GALNT9: variants seen among roughly 807,000 people sequenced by gnomAD.
GALNT9 encodes polypeptide N-acetylgalactosaminyltransferase 9, also known as GalNAc transferase 9.
In GALNT9, 47 loss-of-function variants were observed where a neutral mutation model predicts 63.1. The observed-to-expected ratio is 0.75, with a 90% CI of 0.59 to 0.95. The LOEUF (loss-of-function observed/expected upper bound fraction) is 0.95, where lower values mean the gene tolerates loss of function less well. Ranked by LOEUF, GALNT9 falls within the 40% of genes least tolerant of loss-of-function variation. The pLI is 0.00. For missense variants in GALNT9, 829 were observed against 874.8 expected, an observed-to-expected ratio of 0.95 and a Z score of 0.66; for synonymous variants, 396 against 365.7, an observed-to-expected ratio of 1.08 and a Z score of -0.94.
rs1435049667 is a variant in GALNT9 at position 132,315,036 on chromosome 12, C to G, written c.238+13930G>C. Among the ~76,000 whole-genome samples, 4 of 152,216 alleles carry G rather than the reference C, an allele frequency of 2.6e-5. No individual in the cohort carries two copies. Among genetic ancestry groups the G allele is most frequent in the Non-Finnish European group, 1.5e-5 (1 of 68,036 alleles). ...CCTCACAACAGAGGTGAGTGCTGTT[C>G]TCACCCCAATTTACAGATGAGGAAG... On this transcript the variant is annotated intron_variant, in intron 1 of 10. Transcript: ENST00000328957. This position sits in a 1 kb window ranked among gnomAD's most constrained non-coding sequence, Gnocchi z 6.1.
At chr12:132,290,220 C>G (rs73473523) in intron 1 of GALNT9, among the ~76,000 whole-genome samples, 6,745 of 152,198 alleles carry the variant, frequency 0.044, 482 homozygotes, top group African/African-American at 0.15. Context: ...CTGGACCTTG[C>G]AGAGCCAGGT....
intron 1 of GALNT9, 149 bp downstream of exon 1, chr12:132,328,817 C>A: frequency 1.0e-6 from 1 of 1,004,770 alleles, no homozygotes; most frequent in Non-Finnish European, 1.3e-6. Flanking sequence ...AAGGGGCTTC[C>A]GCGGCCCTTC....
chr12:132,325,713 C>T (rs1251663672), intron 1 of GALNT9, among the ~76,000 whole-genome samples: 1 of 152,248 alleles, frequency 6.6e-6, no homozygotes, highest in Non-Finnish European at 1.5e-5. Context: ...GCCCAGACCT[C>T]TCAGACCTGG....
At chr12:132,256,078 A>T (rs1014665801) in intron 5 of GALNT9, among the ~76,000 whole-genome samples, 4 of 152,110 alleles carry the variant, frequency 2.6e-5, no homozygotes, top group Non-Finnish European at 5.9e-5. Flanking sequence ...TGAGGGGTGA[A>T]ATTTATATAA....
At position 132,287,435 on chromosome 12, in the gene GALNT9, T is replaced by G. The variant is rs1239417050; in HGVS notation, c.239-1005A>C. 1.3e-5 allele frequency among the ~76,000 whole-genome samples: 2 copies of G among 152,142 alleles called. 1 individual carries two copies. The highest frequency in any genetic ancestry group is 2.9e-5 in the Non-Finnish European group (2 of 68,030). ...ACCAGCCCTTGACACCATCCGCCTG[T>G]GTAACTTGAGCTGAACACACATCCA... is the stretch of plus-strand genomic sequence containing the variant. On this transcript the variant is annotated intron_variant, in intron 1 of 10. Coordinates refer to ENST00000328957, the MANE Select transcript of GALNT9 (RefSeq NM_001122636.2).
chr12:132,274,843 C>G (rs562686958), intron 2 of GALNT9: 1 of 152,818 alleles, frequency 6.5e-6, no homozygotes, highest in African/African-American at 2.4e-5. Context: ...CCCACACACA[C>G]GCACACATGC....
chr12:132,250,305 G>A (rs949468868), intron 5 of GALNT9, among the ~76,000 whole-genome samples: 8 of 152,182 alleles, frequency 5.3e-5, no homozygotes, highest in African/African-American at 1.2e-4. Flanking sequence ...GGGGAGTGGC[G>A]GCTCGTGGGT....
chr12:132,286,609 G>A lies in GALNT9; in HGVS notation c.239-179C>T, dbSNP rs138899172. The stretch of plus-strand genomic sequence containing the variant: ...TTCCAGAAAGTGCAAGGCTGTGCGC[G>A]GAGTGAGAGGGCGGTGCCAGGCGGA... On this transcript the variant is annotated intron_variant, in intron 1 of 10. Transcript: ENST00000328957. The surrounding 1 kb of genome is among the most constrained non-coding windows in gnomAD (Gnocchi z 7.4). The A allele has an allele frequency of 6.8e-4, 742 of 1,096,368 alleles. 5 individuals carry two copies. The African/African-American group carries it at 8.8e-3, about 13-fold the overall frequency. The allele number at this position is 1,096,368 out of a possible 1,614,324, so 67.9% of individuals were successfully genotyped here.
Position 132,268,284 on chromosome 12 carries a change from CA to C in GALNT9, c.420-5660del, listed in dbSNP as rs1274578472. On this transcript the variant is annotated intron_variant, in intron 2 of 10. Transcript: ENST00000328957. ...ACCCACCCCTACACACGCACGCACA[CA>C]CTGAAACACACACGTATGCTCTCAC... Among the ~76,000 whole-genome samples the C allele has an allele frequency of 2.0e-5, 3 of 152,160 alleles. No individual in the cohort carries two copies. The East Asian group carries it at 5.8e-4, about 29-fold the overall frequency.
intron 6 of GALNT9, among the ~76,000 whole-genome samples, chr12:132,226,162 A>G (rs1156851999): frequency 5.4e-5 from 7 of 128,942 alleles, no homozygotes; most frequent in African/African-American, 2.2e-4. Flanking sequence ...CATACACCCC[A>G]TACACACCAT....
intron 9 of GALNT9, among the ~76,000 whole-genome samples, chr12:132,198,261 C>T (rs888895773): frequency 6.6e-6 from 1 of 152,206 alleles, no homozygotes; most frequent in Non-Finnish European, 1.5e-5. Context: ...CGGCCCCACT[C>T]GTTTCGGGGA....
At chr12:132,230,893 G>A (rs1260904174) in intron 6 of GALNT9, among the ~76,000 whole-genome samples, 9 of 152,330 alleles carry the variant, frequency 5.9e-5, no homozygotes, top group Non-Finnish European at 1.0e-4. Context: ...ACCTCCATTC[G>A]GGACGTCTTG....
chr12:132,248,764 G>A (rs930883446), intron 5 of GALNT9, among the ~76,000 whole-genome samples: 4 of 152,198 alleles, frequency 2.6e-5, no homozygotes, highest in African/African-American at 4.8e-5. Context: ...ATTCTAAAAC[G>A]TCAGCCGACT....
At position 132,247,988 on chromosome 12, in the gene GALNT9, G is replaced by C; in HGVS notation, c.999C>G (p.Arg333=). ...GCAGCCCAATGTCTCCGAAGTACTC[G>C]CGGTCCACTACGAAGGAGCAGCCGA... is the stretch of plus-strand genomic sequence containing the variant. ...AMIGCSFVVD[R]EYFGDIGLLD... The change falls in exon 6 of 11, where the codon CGC becomes CGG. Residue 333 remains arginine, a synonymous_variant. Coordinates refer to ENST00000328957, the MANE Select transcript of GALNT9 (RefSeq NM_001122636.2). The C allele has an allele frequency of 3.2e-6, 5 of 1,551,442 alleles. No homozygotes were observed. The highest frequency in any genetic ancestry group is 4.4e-6 in the Non-Finnish European group (5 of 1,147,018).
chr12:132,260,845 G>A (rs1257136830), intron 4 of GALNT9, 103 bp downstream of exon 4: 25 of 1,413,670 alleles, frequency 1.8e-5, no homozygotes, highest in Middle Eastern at 2.4e-4. Flanking sequence ...TCCCAGCCCC[G>A]GGGCCAACCC....
At chr12:132,264,112 G>A (rs1879507975) in intron 2 of GALNT9, among the ~76,000 whole-genome samples, 1 of 152,186 alleles carries the variant, frequency 6.6e-6, no homozygotes, top group Non-Finnish European at 1.5e-5. Flanking sequence ...TCCATGTTCG[G>A]TACCCACTTC....
intron 2 of GALNT9, chr12:132,284,245 A>G (rs572024374): frequency 1.3e-5 from 2 of 151,506 alleles, no homozygotes; most frequent in Admixed American, 1.3e-4. Context: ...ACACATGCGC[A>G]CACACCCGCA....
chr12:132,314,081 A>C (rs1282311156), intron 1 of GALNT9, among the ~76,000 whole-genome samples: 6 of 49,284 alleles, frequency 1.2e-4, no homozygotes, highest in Non-Finnish European at 1.7e-4. Context: ...ACCCACCCAT[A>C]CATCCATCCA....
intron 6 of GALNT9, among the ~76,000 whole-genome samples, chr12:132,243,376 C>G (rs1878537764): frequency 6.6e-6 from 1 of 150,790 alleles, no homozygotes; most frequent in Non-Finnish European, 1.5e-5. Context: ...GTGTCCAGTC[C>G]TCCCCGTCCT....
Sources: allele counts gnomAD v4.1 joint callset (sites outside exome capture counted in the v4.1 genomes callset), GRCh38; gene constraint gnomAD v4.1.1; non-coding constraint Gnocchi (gnomAD v3.1); transcripts MANE v1.5; gene names NCBI Gene and HGNC (gene_info 2026-07-23, HGNC 2026-07-21).